DCC: variants seen among roughly 807,000 people sequenced by gnomAD.
DCC encodes the protein netrin receptor DCC.
In DCC, 58 loss-of-function variants were observed where a neutral mutation model predicts 172.5. The observed-to-expected ratio is 0.34, with a 90% CI of 0.27 to 0.42. DCC has a LOEUF of 0.42. Ranked by LOEUF, DCC falls within the 10% of genes least tolerant of loss-of-function variation. The pLI, the probability that DCC is intolerant of heterozygous loss-of-function variation, is 1.00. For synonymous variants in DCC, 709 were observed against 644.5 expected (o/e 1.10, Z -1.52); for missense variants, 1,740 against 1,791.0 (o/e 0.97, Z 0.51).
chr18:53,256,195 T>A (rs1286731782), intron 12 of DCC, among the ~76,000 whole-genome samples: 1 of 152,196 alleles, frequency 6.6e-6, no homozygotes, highest in African/African-American at 2.4e-5. Flanking sequence ...TTTCTTTTGC[T>A]GTGCAGAAGC....
At chr18:52,390,465 T>C (rs902285400) in intron 1 of DCC, among the ~76,000 whole-genome samples, 4 of 152,112 alleles carry the variant, frequency 2.6e-5, no homozygotes, top group Non-Finnish European at 5.9e-5. Context: ...TAGCAATCAT[T>C]GAACATTTTT....
chr18:53,454,994 C>G (rs887265810), intron 23 of DCC, among the ~76,000 whole-genome samples: 1 of 152,132 alleles, frequency 6.6e-6, no homozygotes, highest in Non-Finnish European at 1.5e-5. Flanking sequence ...ATTCCACTAA[C>G]TGCTATTAAT....
At chr18:52,853,892 T>C (rs1413775515) in intron 2 of DCC, among the ~76,000 whole-genome samples, 2 of 152,190 alleles carry the variant, frequency 1.3e-5, no homozygotes, top group Non-Finnish European at 2.9e-5. Context: ...CTTCAGGGTT[T>C]TGTGTAAATG....
At chr18:52,889,961 A>G (rs958642207) in intron 2 of DCC, among the ~76,000 whole-genome samples, 4 of 152,140 alleles carry the variant, frequency 2.6e-5, no homozygotes, top group African/African-American at 4.8e-5. Flanking sequence ...ACTATGCAAG[A>G]CAGTGTGAAT....
At chr18:52,528,629 G>A (rs906925612) in intron 1 of DCC, among the ~76,000 whole-genome samples, 7 of 151,868 alleles carry the variant, frequency 4.6e-5, no homozygotes, top group Non-Finnish European at 8.8e-5. Flanking sequence ...TCAAGAGCAG[G>A]GCTGATCCTC....
intron 1 of DCC, among the ~76,000 whole-genome samples, chr18:52,732,594 A>G (rs2036661440): frequency 6.6e-6 from 1 of 152,210 alleles, no homozygotes. Flanking sequence ...TAGTTGGTCC[A>G]TAAAGCTAAA....
intron 8 of DCC, among the ~76,000 whole-genome samples, chr18:53,162,298 C>A (rs1161679375): frequency 2.9e-3 from 334 of 114,508 alleles, no homozygotes; most frequent in Middle Eastern, 4.6e-3. Context: ...GACTCTGCCT[C>A]AAAAAAAAAA....
rs188561634 is a variant in DCC at position 53,035,639 on chromosome 18, G to T, written c.986-27666G>T. On this transcript the variant is annotated intron_variant, in intron 5 of 28. Transcript: ENST00000442544. ...CGCTTGCTTAAAGAGGAACATTATA[G>T]CAGCGTAGGGAAAACTTGGAAGCAG... Among the ~76,000 whole-genome samples, 15 of 152,224 alleles carry T rather than the reference G, an allele frequency of 9.9e-5. No homozygotes were observed. The East Asian group carries it at 2.9e-3, about 29-fold the overall frequency.
chr18:52,435,285 CTGTGTGTGTGTGTGCACGTG>C (rs905814276), intron 1 of DCC, among the ~76,000 whole-genome samples: 10 of 151,716 alleles, frequency 6.6e-5, no homozygotes, highest in African/African-American at 2.4e-4. Flanking sequence ...TCCCTCTTGC[CTGTGTGTGTGTGTGCACGTG>C]TGTGTGTGCT....
intron 20 of DCC, among the ~76,000 whole-genome samples, chr18:53,412,717 C>T (rs1296744841): frequency 2.0e-5 from 3 of 152,058 alleles, no homozygotes; most frequent in African/African-American, 2.4e-5. Context: ...AACGTCATTC[C>T]TTCATATTTA....
At chr18:52,599,146 T>C (rs1184701819) in intron 1 of DCC, among the ~76,000 whole-genome samples, 3 of 152,226 alleles carry the variant, frequency 2.0e-5, no homozygotes, top group East Asian at 1.9e-4. Context: ...AGGAGAGAAA[T>C]ACTGGAGCCA....
intron 1 of DCC, among the ~76,000 whole-genome samples, chr18:52,519,449 A>G (rs1045835147): frequency 3.3e-5 from 5 of 151,704 alleles, no homozygotes; most frequent in Admixed American, 6.6e-5. Flanking sequence ...ATATAGGAGA[A>G]GAAAAGATAA....
intron 1 of DCC, among the ~76,000 whole-genome samples, chr18:52,520,609 T>C (rs1056890677): frequency 6.6e-5 from 10 of 152,194 alleles, no homozygotes; most frequent in African/African-American, 2.4e-4. Context: ...GAGGAGGGAA[T>C]AGCTGCCTAC....
At chr18:52,791,467 G>GTT (rs1228037571) in intron 2 of DCC, among the ~76,000 whole-genome samples, 120 of 148,302 alleles carry the variant, frequency 8.1e-4, no homozygotes, top group African/African-American at 2.9e-3. Context: ...TGTTTTTTGT[G>GTT]TTTTGTTTTT....
chr18:52,702,573 C>A (rs2036143241), intron 1 of DCC, among the ~76,000 whole-genome samples: 1 of 152,038 alleles, frequency 6.6e-6, no homozygotes, highest in South Asian at 2.1e-4. Flanking sequence ...TGCTTGTTGA[C>A]CTTATCGCTC....
chr18:52,403,007 T>C lies in DCC; in HGVS notation c.91+62129T>C, dbSNP rs141670172. ...ATAGGCTAAGCTGAAGATGCATGTG[T>C]TTTCTGTGCAGTGGGAATGACTAAT... On this transcript the variant is annotated intron_variant, in intron 1 of 28. Transcript: ENST00000442544. 2.6e-3 allele frequency among the ~76,000 whole-genome samples: 396 copies of C among 152,074 alleles called. 1 individual carries two copies. The highest frequency in any genetic ancestry group is 2.2e-3 in the Non-Finnish European group (151 of 67,952).
intron 9 of DCC, among the ~76,000 whole-genome samples, chr18:53,189,551 A>G: frequency 6.6e-6 from 1 of 152,100 alleles, no homozygotes; most frequent in Middle Eastern, 3.2e-3. Flanking sequence ...AGCAAGCTAT[A>G]TTTTTCATTT....
intron 1 of DCC, among the ~76,000 whole-genome samples, chr18:52,504,919 C>T (rs1409642071): frequency 6.6e-6 from 1 of 152,146 alleles, no homozygotes; most frequent in African/African-American, 2.4e-5. Context: ...AGTGAGCACC[C>T]TATTAATACC....
At position 52,925,311 on chromosome 18, in the gene DCC, C is replaced by A. The variant is rs865907545; in HGVS notation, c.926C>A (p.Thr309Asn). 6.2e-7 allele frequency: 1 copy of A among 1,612,332 alleles called. No homozygotes were observed. Among genetic ancestry groups the A allele is most frequent in the Non-Finnish European group, 8.5e-7 (1 of 1,178,654 alleles). The change falls in exon 5 of 29, where the codon ACC becomes AAC. Residue 309 changes from threonine to asparagine, a missense_variant. Physicochemically the swap from Thr to Asn is moderately conservative, Grantham distance 65. Transcript: ENST00000442544. ...NVTDDDSGMY[T>N]CVVTYKNENI... ...ACAGATGATGACAGTGGAATGTATA[C>A]CTGTGTTGTCACATATAAAAATGAG...
Sources: gnomAD v4.1 joint callset for allele counts (sites outside exome capture counted in the v4.1 genomes callset) on GRCh38, gnomAD v4.1.1 for gene constraint, MANE v1.5 for transcripts, NCBI Gene and HGNC (gene_info 2026-07-23, HGNC 2026-07-21) for gene names.